CIP2A: variants seen among roughly 807,000 people sequenced by gnomAD.
CIP2A encodes the protein protein CIP2A.
In CIP2A, 103 loss-of-function variants were observed where a neutral mutation model predicts 110.9. The ratio of observed to expected loss-of-function variants is 0.93; its 90% CI spans 0.79 to 1.09. CIP2A has a LOEUF of 1.09. CIP2A is among the 50% of genes least tolerant of loss of function. CIP2A has a pLI of 0.00. For synonymous variants in CIP2A, 381 were observed against 361.6 expected (o/e 1.05, Z -0.61); for missense variants, 1,088 against 1,038.4 (o/e 1.05, Z -0.66).
At position 108,576,377 on chromosome 3, in the gene CIP2A, G is replaced by A. The variant is rs1386894796; in HGVS notation, c.819-31C>T. 5.3e-6 allele frequency: 6 copies of A among 1,129,938 alleles called. No homozygotes were observed. In the African/African-American group the frequency reaches 6.4e-5, roughly 12 times the overall value. The allele number at this position is 1,129,938 out of a possible 1,614,324, so 70.0% of individuals were successfully genotyped here. A position where few individuals can be genotyped will look rare whatever the true frequency, so the allele number is the denominator to read the frequency against. On this transcript the variant is annotated intron_variant, in intron 7 of 20. Coordinates refer to ENST00000295746, the MANE Select transcript of CIP2A (RefSeq NM_020890.3). ...TTTAGAATAAAAATATACATCAAATGATAAATATAAAATTGATACATCAAA... is the reference window on the plus strand; with the variant it reads ...TTTAGAATAAAAATATACATCAAATAATAAATATAAAATTGATACATCAAA...
Position 108,551,055 on chromosome 3 carries a change from G to T in CIP2A, c.*94C>A. ...TTAGATAATAACTTCTTATTGTTAC[G>T]AAGTCACAAATTAACTCCCCTACCC... is the stretch of plus-strand genomic sequence containing the variant. On this transcript the variant is annotated 3_prime_UTR_variant, in exon 21 of 21. Coordinates refer to ENST00000295746, the MANE Select transcript of CIP2A (RefSeq NM_020890.3). The T allele has an allele frequency of 1.8e-6, 1 of 562,088 alleles. No homozygotes were observed. The highest frequency in any genetic ancestry group is 2.8e-6 in the Non-Finnish European group (1 of 361,276). The allele number at this position is 562,088 out of a possible 1,614,324, so 34.8% of individuals were successfully genotyped here. A position where few individuals can be genotyped will look rare whatever the true frequency, so the allele number is the denominator to read the frequency against.
At position 108,588,810 on chromosome 3, in the gene CIP2A, G is replaced by T. The variant is rs115212509; in HGVS notation, c.102+464C>A. Among the ~76,000 whole-genome samples the T allele has an allele frequency of 1.5e-3, 236 of 152,296 alleles. 1 individual carries two copies. Among genetic ancestry groups the T allele is most frequent in the African/African-American group, 5.5e-3 (230 of 41,556 alleles). ...GGAAGGGGAAGTGCTTCTTAATGTT[G>T]AAATAATGTTTTTCAAGTTTGAGTT... On this transcript the variant is annotated intron_variant, in intron 1 of 20. Coordinates refer to ENST00000295746, the MANE Select transcript of CIP2A (RefSeq NM_020890.3).
chr3:108,578,155 GATTTACAGA>G (rs1938746281), intron 7 of CIP2A, among the ~76,000 whole-genome samples: 1 of 152,130 alleles, frequency 6.6e-6, no homozygotes, highest in Non-Finnish European at 1.5e-5. Context: ...AGAACTGAGA[GATTTACAGA>G]ATAAATGATT....
At chr3:108,585,745 G>A (rs1411548418) in intron 1 of CIP2A, 1 of 456,410 alleles carries the variant, frequency 2.2e-6, no homozygotes, top group Admixed American at 2.4e-5. Context: ...AAGACAATAG[G>A]TGAGCTCAGA....
At chr3:108,574,315 C>T (rs1261347520) in intron 8 of CIP2A, among the ~76,000 whole-genome samples, 2 of 152,108 alleles carry the variant, frequency 1.3e-5, no homozygotes, top group Non-Finnish European at 2.9e-5. Flanking sequence ...ACTGTATAGA[C>T]ATTAGAATTG....
At chr3:108,566,709 T>A in intron 10 of CIP2A, 71 bp from the exon 11 acceptor site, 1 of 932,930 alleles carries the variant, frequency 1.1e-6, no homozygotes, top group Non-Finnish European at 1.6e-6. Flanking sequence ...TCAGGATGAT[T>A]TCATACAAAT....
chr3:108,582,195 T>C lies in CIP2A; in HGVS notation c.365A>G (p.Gln122Arg). The C allele has an allele frequency of 7.6e-7, 1 of 1,323,734 alleles. No individual in the cohort carries two copies. Among genetic ancestry groups the C allele is most frequent in the Non-Finnish European group, 1.1e-6 (1 of 944,750 alleles). 82.0% of individuals were successfully genotyped at this position (1,323,734 alleles called of 1,614,324 possible). A position where few individuals can be genotyped will look rare whatever the true frequency, so the allele number is the denominator to read the frequency against. ...HTDSVFLQCI[Q>R]LLQKLTYNVK... is the part of the protein sequence containing the mutation. Reference sequence around the variant, plus strand: ...ATTATATGTTAACTTCTGTAGAAGTTGAATGCACTGAGAATAAGAAAATAG... The same window carrying C: ...ATTATATGTTAACTTCTGTAGAAGTCGAATGCACTGAGAATAAGAAAATAG... The change falls in exon 4 of 21, where the codon CAA becomes CGA. Residue 122 changes from glutamine to arginine, a missense_variant. Physicochemically the swap from Gln to Arg is conservative, Grantham distance 43. Coordinates refer to ENST00000295746, the MANE Select transcript of CIP2A (RefSeq NM_020890.3).
rs747679350 is a variant in CIP2A, at chr3:108,565,384, T to C, written c.1486A>G (p.Met496Val). ...INKLKPLVPG[M>V]EVSFYKILQD... ...AGTATTTTGTAGAAGCTTACTTCCA[T>C]ACCAGGAACCAATGGTTTAAGTTTG... Residue 496 changes from methionine to valine, a missense_variant, in exon 12 of 21, where the codon ATG becomes GTG. Coordinates refer to ENST00000295746, the MANE Select transcript of CIP2A (RefSeq NM_020890.3). 6.2e-5 allele frequency: 99 copies of C among 1,596,658 alleles called. No individual in the cohort carries two copies. The highest frequency in any genetic ancestry group is 9.0e-5 in the East Asian group (4 of 44,494).
intron 5 of CIP2A, 73 bp downstream of exon 5, chr3:108,581,342 G>C: frequency 1.9e-6 from 2 of 1,071,360 alleles, no homozygotes; most frequent in East Asian, 2.5e-5. Context: ...TAAAGAAAAA[G>C]ATAAATACAA....
At chr3:108,562,697 T>C (rs1357069907) in intron 13 of CIP2A, among the ~76,000 whole-genome samples, 2 of 152,160 alleles carry the variant, frequency 1.3e-5, no homozygotes, top group Non-Finnish European at 2.9e-5. Context: ...AACTCTCCTA[T>C]TCTCCTATCC....
chr3:108,581,799 A>T (rs920030212), intron 4 of CIP2A, among the ~76,000 whole-genome samples: 3 of 152,224 alleles, frequency 2.0e-5, no homozygotes, highest in African/African-American at 7.2e-5. Flanking sequence ...CTACAAGAAT[A>T]ACTACACAAT....
At chr3:108,554,131 T>C (rs965889291) in intron 18 of CIP2A, among the ~76,000 whole-genome samples, 1 of 151,842 alleles carries the variant, frequency 6.6e-6, no homozygotes, top group African/African-American at 2.4e-5. Flanking sequence ...CCTGACCTCA[T>C]GCGCTCCACC....
At position 108,579,680 on chromosome 3, in the gene CIP2A, C is replaced by T. The variant is rs1178389393; in HGVS notation, c.558G>A (p.Val186=). 1 of 1,546,414 alleles carries T rather than the reference C, an allele frequency of 6.5e-7. No individual in the cohort carries two copies. Among genetic ancestry groups the T allele is most frequent in the Non-Finnish European group, 8.7e-7 (1 of 1,152,982 alleles). ...VQTHIKTLSN[V]KSFYRTLITL... ...TGATAAGAGTTCGATAAAAAGATTTCACATTACTCTGAGGAAAAAAAAGTT... is the reference window on the plus strand; with the variant it reads ...TGATAAGAGTTCGATAAAAAGATTTTACATTACTCTGAGGAAAAAAAAGTT... The change falls in exon 6 of 21, where the codon GTG becomes GTA. Residue 186 remains valine, a synonymous_variant. Transcript: ENST00000295746.
intron 16 of CIP2A, among the ~76,000 whole-genome samples, chr3:108,559,120 T>C (rs1480022300): frequency 6.6e-6 from 1 of 151,978 alleles, no homozygotes; most frequent in African/African-American, 2.4e-5. Flanking sequence ...CTATGATTCA[T>C]ACAAAAAATG....
intron 7 of CIP2A, among the ~76,000 whole-genome samples, chr3:108,576,936 A>T (rs1274700607): frequency 6.6e-6 from 1 of 152,202 alleles, no homozygotes; most frequent in Non-Finnish European, 1.5e-5. Flanking sequence ...ATACAAGGTA[A>T]TATAAAATAC....
At chr3:108,580,260 T>C (rs1938820235) in intron 5 of CIP2A, among the ~76,000 whole-genome samples, 1 of 152,228 alleles carries the variant, frequency 6.6e-6, no homozygotes, top group Admixed American at 6.5e-5. Context: ...AAGAGATCAC[T>C]GCATGTGTGA....
At chr3:108,552,757 C>G (rs1404691659) in intron 19 of CIP2A, among the ~76,000 whole-genome samples, 4 of 152,134 alleles carry the variant, frequency 2.6e-5, no homozygotes, top group African/African-American at 9.7e-5. Context: ...CCTGCTGTTA[C>G]GTTCCTTCAA....
At chr3:108,572,594 A>T (rs561958319) in intron 8 of CIP2A, among the ~76,000 whole-genome samples, 9 of 68,738 alleles carry the variant, frequency 1.3e-4, no homozygotes, top group Non-Finnish European at 2.9e-4. Context: ...CCTGACATTT[A>T]AAAAAATCAG....
In CIP2A at chr3:108,584,643, T is replaced by C. The variant is rs142201956; in HGVS notation, c.250+422A>G. On this transcript the variant is annotated intron_variant, in intron 2 of 20. Transcript: ENST00000295746. ...CACAGTTTTAAAACCATTCTGTCACTGAAGAAAGTTTTATTGGACAATGCT... is the reference window on the plus strand; with the variant it reads ...CACAGTTTTAAAACCATTCTGTCACCGAAGAAAGTTTTATTGGACAATGCT... 6.7e-3 allele frequency among the ~76,000 whole-genome samples: 1,016 copies of C among 152,334 alleles called. 13 individuals carry two copies. The highest frequency in any genetic ancestry group is 0.023 in the African/African-American group (972 of 41,570).
Sources: allele counts gnomAD v4.1 joint callset (sites outside exome capture counted in the v4.1 genomes callset), GRCh38; gene constraint gnomAD v4.1.1; transcripts MANE v1.5; gene names NCBI Gene and HGNC (gene_info 2026-07-23, HGNC 2026-07-21).